Variants in TRIM2 observed in about 807,000 individuals in gnomAD.
The protein encoded by TRIM2 is tripartite motif containing 2.
In TRIM2, 20 loss-of-function variants were observed where a neutral mutation model predicts 75.2. The ratio of observed to expected loss-of-function variants is 0.27; its 90% CI spans 0.19 to 0.39. The LOEUF is 0.39. Among genes scored for constraint, TRIM2 ranks in the 10% least tolerant of loss-of-function variants. TRIM2 has a pLI of 1.00. For missense variants in TRIM2, 660 were observed against 990.8 expected, an observed-to-expected ratio of 0.67 and a Z score of 4.48; for synonymous variants, 373 against 388.3, an observed-to-expected ratio of 0.96 and a Z score of 0.46.
Position 153,240,133 on chromosome 4 carries a change from C to A in TRIM2, c.31-30202C>A, listed in dbSNP as rs75870426. On this transcript the variant is annotated intron_variant, in intron 1 of 11. Transcript: ENST00000338700. ...ACAGGCATAAGCCACCACGCCTGGC[C>A]AGCATCCTAACTTTCTGCAGCAGTA... 1.6e-3 allele frequency among the ~76,000 whole-genome samples: 239 copies of A among 152,262 alleles called. 5 individuals are homozygous for A. In the East Asian group the frequency reaches 0.037, roughly 24 times the overall value.
chr4:153,322,568 C>T lies in TRIM2; in HGVS notation c.1783-80C>T. On this transcript the variant is annotated intron_variant, in intron 8 of 11. Transcript: ENST00000338700. ...ACCTTCAGGTAAATGTTGACCAAAA[C>T]AGTGTTTATCTTCATGTTCTGTAGT... 3.4e-6 allele frequency: 5 copies of T among 1,479,302 alleles called. No homozygotes were observed. The South Asian group carries it at 6.7e-5, about 20-fold the overall frequency. The allele number at this position is 1,479,302 out of a possible 1,614,324, so 91.6% of individuals were successfully genotyped here.
intron 1 of TRIM2, among the ~76,000 whole-genome samples, chr4:153,170,734 G>A (rs577613266): frequency 1.3e-5 from 2 of 152,140 alleles, no homozygotes; most frequent in Non-Finnish European, 2.9e-5. Flanking sequence ...CTATGCCAGG[G>A]AGCTCAGCCA....
intron 1 of TRIM2, among the ~76,000 whole-genome samples, chr4:153,256,491 G>A (rs1010587460): frequency 3.9e-5 from 6 of 152,096 alleles, no homozygotes; most frequent in Admixed American, 6.6e-5. Flanking sequence ...TGTTCCCTGC[G>A]TTTATTGTTG....
At chr4:153,209,022 A>G (rs538521910) in intron 1 of TRIM2, among the ~76,000 whole-genome samples, 1 of 152,174 alleles carries the variant, frequency 6.6e-6, no homozygotes, top group Non-Finnish European at 1.5e-5. Context: ...GACTGGAGTC[A>G]TTTCTTCACC....
intron 2 of TRIM2, among the ~76,000 whole-genome samples, chr4:153,271,816 G>T (rs897646732): frequency 6.6e-6 from 1 of 152,142 alleles, no homozygotes; most frequent in African/African-American, 2.4e-5. Flanking sequence ...TGCAGCAGTC[G>T]GCATAGCTTG....
At chr4:153,207,237 C>T (rs545737578) in intron 1 of TRIM2, among the ~76,000 whole-genome samples, 3 of 152,274 alleles carry the variant, frequency 2.0e-5, no homozygotes, top group Admixed American at 1.3e-4. Context: ...CTGTAAAATT[C>T]GCTAAATTCC....
intron 1 of TRIM2, among the ~76,000 whole-genome samples, chr4:153,176,232 T>C (rs976300203): frequency 6.6e-6 from 1 of 151,908 alleles, no homozygotes; most frequent in African/African-American, 2.4e-5. Context: ...GGCAGGCGGG[T>C]TACTTGAGCC....
intron 1 of TRIM2, among the ~76,000 whole-genome samples, chr4:153,196,122 C>T (rs1733736606): frequency 6.6e-6 from 1 of 151,820 alleles, no homozygotes; most frequent in Admixed American, 6.6e-5. Context: ...AAAAGGGAAA[C>T]TTTGAGAAGT....
At chr4:153,290,230 AAAACAGG>A (rs1418364080) in intron 3 of TRIM2, among the ~76,000 whole-genome samples, 1 of 152,186 alleles carries the variant, frequency 6.6e-6, no homozygotes, top group Admixed American at 6.5e-5. Context: ...AGCCCTTTGA[AAAACAGG>A]AAACTTCTTG....
intron 1 of TRIM2, among the ~76,000 whole-genome samples, chr4:153,263,991 G>A (rs1754274044): frequency 6.6e-6 from 1 of 152,180 alleles, no homozygotes; most frequent in Admixed American, 6.5e-5. Context: ...ATGAATTTGG[G>A]AGGGACACAG....
chr4:153,320,655 CAG>C (rs1254794725), intron 8 of TRIM2, among the ~76,000 whole-genome samples: 1 of 152,118 alleles, frequency 6.6e-6, no homozygotes, highest in Non-Finnish European at 1.5e-5. Context: ...GTTTTCGAGA[CAG>C]AGTCTCGCTC....
Position 153,337,475 on chromosome 4 carries a change from C to T in TRIM2, c.*2509C>T. The stretch of plus-strand genomic sequence containing the variant: ...CCTGCTCCACTATGTGTTGCTAAAA[C>T]ACATGCTATGAGCACTCCAGGAAAC... On this transcript the variant is annotated 3_prime_UTR_variant, in exon 12 of 12. Transcript: ENST00000338700. 1 of 985,698 alleles carries T rather than the reference C, an allele frequency of 1.0e-6. No individual in the cohort carries two copies. The highest frequency in any genetic ancestry group is 1.1e-4 in the East Asian group (1 of 8,830). 61.1% of individuals were successfully genotyped at this position (985,698 alleles called of 1,614,324 possible). A position where few individuals can be genotyped will look rare whatever the true frequency, so the allele number is the denominator to read the frequency against.
At chr4:153,292,099 A>G (rs1761942841) in intron 3 of TRIM2, among the ~76,000 whole-genome samples, 2 of 152,338 alleles carry the variant, frequency 1.3e-5, no homozygotes, top group South Asian at 4.1e-4. Context: ...GCAGTCTTCA[A>G]GGTCAATACT....
intron 7 of TRIM2, 57 bp from the exon 8 acceptor site, chr4:153,315,775 C>T: frequency 6.3e-7 from 1 of 1,597,648 alleles, no homozygotes; most frequent in Non-Finnish European, 8.6e-7. Flanking sequence ...CTGCCTATGC[C>T]TTCCTCAGCA....
chr4:153,324,688 G>C (rs991416870), intron 10 of TRIM2, among the ~76,000 whole-genome samples: 1 of 152,076 alleles, frequency 6.6e-6, no homozygotes, highest in Non-Finnish European at 1.5e-5. Context: ...AGGGGAGAGA[G>C]AATTGAACTT....
At chr4:153,310,608 C>T (rs1766064310) in intron 6 of TRIM2, among the ~76,000 whole-genome samples, 1 of 152,124 alleles carries the variant, frequency 6.6e-6, no homozygotes, top group South Asian at 2.1e-4. Flanking sequence ...AGGAGTAACA[C>T]ACTGATTCTG....
intron 11 of TRIM2, among the ~76,000 whole-genome samples, chr4:153,334,249 C>T (rs924268929): frequency 3.3e-5 from 5 of 152,024 alleles, no homozygotes; most frequent in African/African-American, 7.3e-5. Context: ...TATTCTTCTC[C>T]ACCACCTGGA....
chr4:153,283,697 C>T lies in TRIM2; in HGVS notation c.453+7567C>T, dbSNP rs1274490590. ...CTTTTGCCAGGCTGGAGTGCAGTGGCGGAAACTTGGCTCACTGCAACTTCT... is the reference window on the plus strand; with the variant it reads ...CTTTTGCCAGGCTGGAGTGCAGTGGTGGAAACTTGGCTCACTGCAACTTCT... On this transcript the variant is annotated intron_variant, in intron 3 of 11. Coordinates refer to ENST00000338700, the MANE Select transcript of TRIM2 (RefSeq NM_015271.5). 5.6e-5 allele frequency among the ~76,000 whole-genome samples: 8 copies of T among 142,062 alleles called. No individual in the cohort carries two copies. In the East Asian group the frequency reaches 8.1e-4, roughly 14 times the overall value. The allele number at this position is 142,062 out of a possible 152,430, so 93.2% of individuals were successfully genotyped here.
intron 6 of TRIM2, among the ~76,000 whole-genome samples, chr4:153,298,283 G>A (rs573465665): frequency 3.3e-5 from 5 of 152,358 alleles, no homozygotes; most frequent in Non-Finnish European, 7.3e-5. Flanking sequence ...TCCACAGTCT[G>A]AGTGACTTAA....
Sources: allele counts gnomAD v4.1 joint callset (sites outside exome capture counted in the v4.1 genomes callset), GRCh38; gene constraint gnomAD v4.1.1; transcripts MANE v1.5; gene names NCBI Gene and HGNC (gene_info 2026-07-23, HGNC 2026-07-21).